Variants in HYDIN observed in about 807,000 individuals in gnomAD.
The protein encoded by HYDIN is axonemal central pair apparatus protein HYDIN.
HYDIN carries 132 observed loss-of-function variants against 403.9 expected under a neutral mutation model. That is an observed-to-expected ratio of 0.33 (90% CI 0.28 to 0.38). The LOEUF (loss-of-function observed/expected upper bound fraction) is 0.38. Ranked by LOEUF, HYDIN falls within the 10% of genes least tolerant of loss-of-function variation. HYDIN has a pLI of 1.00. For synonymous variants in HYDIN, 1,202 were observed against 1,891.7 expected, an observed-to-expected ratio of 0.64 and a Z score of 9.46; for missense variants, 2,827 against 5,009.5, an observed-to-expected ratio of 0.56 and a Z score of 13.15.
intron 83 of HYDIN, among the ~76,000 whole-genome samples, chr16:70,819,428 A>T (rs1163133558): frequency 6.6e-6 from 1 of 151,282 alleles, no homozygotes; most frequent in Non-Finnish European, 1.5e-5. Flanking sequence ...TGTAAAGATG[A>T]GGGAACTGAG....
intron 7 of HYDIN, among the ~76,000 whole-genome samples, chr16:71,141,149 T>C (rs910925289): frequency 6.8e-6 from 1 of 148,106 alleles, no homozygotes; most frequent in Non-Finnish European, 1.5e-5. Context: ...GACAGATCAG[T>C]GGAATAGAAT....
chr16:70,813,347 G>A (rs550549129), intron 84 of HYDIN, among the ~76,000 whole-genome samples: 12 of 151,832 alleles, frequency 7.9e-5, no homozygotes, highest in African/African-American at 2.2e-4. Context: ...GGAGAGGCCC[G>A]CATAGTGAGG....
At position 70,802,981 on chromosome 16, in the gene HYDIN, A is replaced by G. The variant is rs1408325547; in HGVS notation, c.*4599T>C. ...TGATGATGGTTGATGAAAAACACTG[A>G]AAAAATGTAAATCAATGGGAATGAT... On this transcript the variant is annotated 3_prime_UTR_variant, in exon 86 of 86. Coordinates refer to ENST00000393567, the MANE Select transcript of HYDIN (RefSeq NM_001270974.2). The G allele has an allele frequency of 1.3e-5, 2 of 152,204 alleles. No homozygotes were observed. Among genetic ancestry groups the G allele is most frequent in the Non-Finnish European group, 2.9e-5 (2 of 68,028 alleles). 9.4% of individuals were successfully genotyped at this position (152,204 alleles called of 1,614,324 possible).
At chr16:70,813,114 G>A (rs1440621748) in intron 84 of HYDIN, among the ~76,000 whole-genome samples, 1 of 151,906 alleles carries the variant, frequency 6.6e-6, no homozygotes, top group Non-Finnish European at 1.5e-5. Context: ...CATCATGGCC[G>A]GCTAATTTTT....
Position 70,808,079 on chromosome 16 carries a change from C to G in HYDIN, c.14884-17G>C, listed in dbSNP as rs1424105879. 4.4e-6 allele frequency: 7 copies of G among 1,585,550 alleles called. No individual in the cohort carries two copies. In the Admixed American group the frequency reaches 5.2e-5, roughly 12 times the overall value. On this transcript the variant is annotated splice_polypyrimidine_tract_variant and intron_variant, in intron 85 of 85. Transcript: ENST00000393567. ...ACAGTCGGTCTGAAAGGGGAACAAA[C>G]AAACTCAGCTCACGTGAGATCCTGA...
intron 15 of HYDIN, among the ~76,000 whole-genome samples, chr16:71,066,190 T>C (rs2082259016): frequency 6.6e-6 from 1 of 151,940 alleles, no homozygotes; most frequent in Non-Finnish European, 1.5e-5. Context: ...TAAGCCTGCA[T>C]AGACAAGAAA....
At position 70,807,675 on chromosome 16, in the gene HYDIN, G is replaced by A. The variant is rs1398658334; in HGVS notation, c.15271C>T (p.Pro5091Ser). ...FEGNPSGSKTPITTKLTVSCP... is the reference protein window; with the variant it reads ...FEGNPSGSKTSITTKLTVSCP... ...CTCACAGTCAGCTTGGTGGTGATGG[G>A]GGTTTTGCTGCCAGATGGGTTTCCT... The change falls in exon 86 of 86, where the codon CCC becomes TCC. Residue 5091 changes from proline to serine, a missense_variant. Transcript: ENST00000393567. 1.9e-6 allele frequency: 3 copies of A among 1,613,966 alleles called. No individual in the cohort carries two copies. Among genetic ancestry groups the A allele is most frequent in the South Asian group, 2.2e-5 (2 of 91,082 alleles).
At chr16:71,190,405 T>TA (rs1336765050) in intron 1 of HYDIN, among the ~76,000 whole-genome samples, 3 of 152,158 alleles carry the variant, frequency 2.0e-5, no homozygotes, top group Middle Eastern at 6.8e-3. Flanking sequence ...AATGATACTT[T>TA]AAAAAAATAA....
chr16:71,098,685 AC>A (rs1211780434), intron 10 of HYDIN, among the ~76,000 whole-genome samples: 2 of 150,548 alleles, frequency 1.3e-5, no homozygotes. Context: ...ACTATTTATA[AC>A]TGTCAGGCCT....
intron 44 of HYDIN, among the ~76,000 whole-genome samples, 174 bp downstream of exon 44, chr16:70,938,440 C>G (rs2077563592): frequency 1.3e-5 from 2 of 152,248 alleles, no homozygotes; most frequent in Admixed American, 1.3e-4. Context: ...CAGCAGCCAG[C>G]ACCCTTGATG....
chr16:71,224,227 A>T (rs1235310718), intron 1 of HYDIN, among the ~76,000 whole-genome samples: 1 of 152,186 alleles, frequency 6.6e-6, no homozygotes, highest in Non-Finnish European at 1.5e-5. Flanking sequence ...CTCCCTTATA[A>T]GTGGGAGCTA....
chr16:70,938,461 A>C (rs2077564761), intron 44 of HYDIN, among the ~76,000 whole-genome samples, 153 bp downstream of exon 44: 1 of 152,228 alleles, frequency 6.6e-6, no homozygotes. Flanking sequence ...GGCGGGATGC[A>C]TCTTTCTGCT....
intron 58 of HYDIN, among the ~76,000 whole-genome samples, chr16:70,884,993 G>C (rs548214138): frequency 6.6e-6 from 1 of 152,366 alleles, no homozygotes; most frequent in African/African-American, 2.4e-5. Flanking sequence ...AGTGGGGCAT[G>C]CATTGACAGG....
At chr16:70,911,648 ATGATGGTGGTATTT>A (rs1316623241) in intron 47 of HYDIN, among the ~76,000 whole-genome samples, 2 of 151,994 alleles carry the variant, frequency 1.3e-5, no homozygotes, top group African/African-American at 4.8e-5. Flanking sequence ...TCTGTGAAGA[ATGATGGTGGTATTT>A]TGATGGAAAT....
At chr16:71,213,452 G>C (rs1469900604) in intron 1 of HYDIN, among the ~76,000 whole-genome samples, 1 of 152,082 alleles carries the variant, frequency 6.6e-6, no homozygotes, top group Non-Finnish European at 1.5e-5. Flanking sequence ...AGGAGAAATA[G>C]GACAGTTTTT....
intron 5 of HYDIN, among the ~76,000 whole-genome samples, chr16:71,172,001 CA>C (rs1164646917): frequency 6.6e-6 from 1 of 152,116 alleles, no homozygotes; most frequent in Non-Finnish European, 1.5e-5. Context: ...AAATCCTGAT[CA>C]TTATTTTTGC....
intron 84 of HYDIN, among the ~76,000 whole-genome samples, chr16:70,810,440 C>A (rs1489880131): frequency 6.6e-6 from 1 of 152,168 alleles, no homozygotes; most frequent in Non-Finnish European, 1.5e-5. Context: ...TATAGCAAAA[C>A]AAGGGAAACA....
intron 44 of HYDIN, among the ~76,000 whole-genome samples, chr16:70,936,499 G>A (rs558932167): frequency 7.0e-5 from 8 of 113,564 alleles, no homozygotes; most frequent in Admixed American, 1.7e-4. Context: ...GATGAGGCCC[G>A]CCTCCCATAG....
intron 34 of HYDIN, 111 bp from the exon 35 acceptor site, chr16:70,973,603 T>C: frequency 5.7e-6 from 1 of 173,972 alleles, no homozygotes; most frequent in East Asian, 1.4e-4. Context: ...TCGGGGAATG[T>C]GTAGATACCA....
Sources: allele counts gnomAD v4.1 joint callset (sites outside exome capture counted in the v4.1 genomes callset), GRCh38; gene constraint gnomAD v4.1.1; transcripts MANE v1.5; gene names NCBI Gene and HGNC (gene_info 2026-07-23, HGNC 2026-07-21).